The following PARD3 variants were observed in gnomAD, a reference collection of about 807,000 sequenced individuals.
PARD3 encodes the protein par-3 family cell polarity regulator, also known as partitioning defective 3 homolog.
A neutral mutation model predicts 155.4 loss-of-function variants in PARD3; 75 were observed. That is an observed-to-expected ratio of 0.48 (90% CI 0.40 to 0.58). The LOEUF (loss-of-function observed/expected upper bound fraction) is 0.58. Ranked by LOEUF, PARD3 falls within the 20% of genes least tolerant of loss-of-function variation. The pLI is 0.00. For synonymous variants in PARD3, 576 were observed against 610.5 expected (o/e 0.94, Z 0.83); for missense variants, 1,642 against 1,721.7 (o/e 0.95, Z 0.82).
intron 2 of PARD3, among the ~76,000 whole-genome samples, chr10:34,533,330 C>T (rs10827380): frequency 0.3 from 45,100 of 151,990 alleles, 7,144 homozygotes; most frequent in East Asian, 0.42. Context: ...GGGTACTATG[C>T]TCACTACCTG....
chr10:34,188,809 A>G (rs1485107029), intron 22 of PARD3, among the ~76,000 whole-genome samples: 1 of 151,600 alleles, frequency 6.6e-6, no homozygotes, highest in African/African-American at 2.4e-5. Context: ...AAGATGCTCC[A>G]CTGCTCCACT....
chr10:34,387,363 C>T (rs1438589506), intron 7 of PARD3, among the ~76,000 whole-genome samples: 1 of 152,150 alleles, frequency 6.6e-6, no homozygotes, highest in African/African-American at 2.4e-5. Context: ...ATCTTGGATA[C>T]ATCCTTTCAG....
At chr10:34,122,291 G>T (rs1404256765) in intron 23 of PARD3, among the ~76,000 whole-genome samples, 1 of 152,136 alleles carries the variant, frequency 6.6e-6, no homozygotes, top group Non-Finnish European at 1.5e-5. Flanking sequence ...AATTTCAGGT[G>T]TATTTTTAAG....
At chr10:34,474,339 C>G (rs1254587814) in intron 3 of PARD3, among the ~76,000 whole-genome samples, 2 of 152,312 alleles carry the variant, frequency 1.3e-5, no homozygotes, top group East Asian at 1.9e-4. Context: ...TAGGTTCATA[C>G]AGCCTACAAT....
intron 1 of PARD3, among the ~76,000 whole-genome samples, chr10:34,791,355 G>A (rs1841594015): frequency 6.6e-6 from 1 of 152,120 alleles, no homozygotes; most frequent in African/African-American, 2.4e-5. Flanking sequence ...GCAAAACCAA[G>A]GCTCCAAAGC....
intron 20 of PARD3, among the ~76,000 whole-genome samples, chr10:34,289,135 T>C (rs1182363325): frequency 6.6e-6 from 1 of 151,964 alleles, no homozygotes; most frequent in Non-Finnish European, 1.5e-5. Flanking sequence ...CAGCTAATTT[T>C]TGTATTTTTG....
intron 3 of PARD3, among the ~76,000 whole-genome samples, chr10:34,484,883 T>C (rs1025065249): frequency 1.3e-5 from 2 of 152,224 alleles, no homozygotes; most frequent in Non-Finnish European, 2.9e-5. Flanking sequence ...CACAAGCTCC[T>C]TTCGTGGCTG....
At chr10:34,600,036 T>C (rs1314965686) in intron 2 of PARD3, among the ~76,000 whole-genome samples, 2 of 151,376 alleles carry the variant, frequency 1.3e-5, no homozygotes, top group African/African-American at 4.9e-5. Flanking sequence ...GAACAAGAAA[T>C]AAAAAAGAAA....
intron 4 of PARD3, among the ~76,000 whole-genome samples, chr10:34,455,539 G>C (rs1229079094): frequency 2.6e-5 from 4 of 151,314 alleles, no homozygotes; most frequent in African/African-American, 4.9e-5. Context: ...TGCCGAGGCT[G>C]GAGCCTCGGC....
intron 5 of PARD3, among the ~76,000 whole-genome samples, chr10:34,417,480 CCTCT>C (rs1167424003): frequency 1.3e-5 from 2 of 152,090 alleles, no homozygotes; most frequent in East Asian, 1.9e-4. Context: ...CATTGTGTCT[CCTCT>C]CTAATGATTT....
At chr10:34,397,605 C>G (rs934682756) in intron 7 of PARD3, among the ~76,000 whole-genome samples, 3 of 152,174 alleles carry the variant, frequency 2.0e-5, no homozygotes, top group African/African-American at 7.2e-5. Flanking sequence ...AAATGCCTTC[C>G]TTTGACTTAA....
At chr10:34,523,458 G>T (rs901360762) in intron 2 of PARD3, among the ~76,000 whole-genome samples, 1 of 152,146 alleles carries the variant, frequency 6.6e-6, no homozygotes, top group Non-Finnish European at 1.5e-5. Context: ...ATCATATTTT[G>T]GCCCTGGATA....
intron 2 of PARD3, among the ~76,000 whole-genome samples, chr10:34,571,369 A>G (rs971309744): frequency 6.6e-6 from 1 of 152,184 alleles, no homozygotes; most frequent in Non-Finnish European, 1.5e-5. Context: ...TTTGGCAAAG[A>G]TTTTATATTT....
intron 22 of PARD3, among the ~76,000 whole-genome samples, chr10:34,244,550 T>C (rs1201831986): frequency 1.3e-5 from 2 of 152,196 alleles, no homozygotes; most frequent in Non-Finnish European, 2.9e-5. Context: ...AATGCAACGT[T>C]ATCAATTCTG....
chr10:34,786,079 T>G (rs1828519771), intron 1 of PARD3, among the ~76,000 whole-genome samples: 1 of 152,196 alleles, frequency 6.6e-6, no homozygotes, highest in Non-Finnish European at 1.5e-5. Context: ...CAATAATCAG[T>G]GACGTAATGT....
intron 2 of PARD3, among the ~76,000 whole-genome samples, chr10:34,538,416 G>C (rs921202236): frequency 6.6e-6 from 1 of 152,202 alleles, no homozygotes; most frequent in Non-Finnish European, 1.5e-5. Flanking sequence ...GGCTACAATA[G>C]GTGTAGAAAG....
At chr10:34,512,539 C>T (rs541946456) in intron 3 of PARD3, among the ~76,000 whole-genome samples, 1 of 152,274 alleles carries the variant, frequency 6.6e-6, no homozygotes, top group East Asian at 1.9e-4. Flanking sequence ...TGCATTCAGG[C>T]ATTTCTCTAA....
chr10:34,300,303 C>T (rs556454713), intron 20 of PARD3, among the ~76,000 whole-genome samples: 2 of 152,156 alleles, frequency 1.3e-5, no homozygotes, highest in South Asian at 2.1e-4. Context: ...AGTGGGGGCT[C>T]CTGATTATGT....
At chr10:34,468,289 T>C (rs937836018) in intron 4 of PARD3, among the ~76,000 whole-genome samples, 10 of 152,230 alleles carry the variant, frequency 6.6e-5, no homozygotes, top group African/African-American at 2.4e-4. Context: ...TAAATTCCTT[T>C]TGTTCAAAAA....
Sources: allele counts gnomAD v4.1 joint callset (sites outside exome capture counted in the v4.1 genomes callset), GRCh38; gene constraint gnomAD v4.1.1; transcripts MANE v1.5; gene names NCBI Gene and HGNC (gene_info 2026-07-23, HGNC 2026-07-21).